Variants in PTPRD observed in about 807,000 individuals in gnomAD.
PTPRD encodes protein tyrosine phosphatase receptor type D, also known as receptor-type tyrosine-protein phosphatase delta.
A neutral mutation model predicts 214.5 loss-of-function variants in PTPRD; 34 were observed. That is an observed-to-expected ratio of 0.16 (90% CI 0.12 to 0.21). The LOEUF (loss-of-function observed/expected upper bound fraction) is 0.21, where lower values mean the gene tolerates loss of function less well. PTPRD is among the 10% of genes least tolerant of loss of function. The probability of loss-of-function intolerance (pLI) is 1.00; values close to 1 mark genes in which losing one functional copy is unlikely to be tolerated. For missense variants in PTPRD, 2,545 were observed against 2,398.7 expected (o/e 1.06, Z -1.27); for synonymous variants, 1,128 against 845.7 (o/e 1.33, Z -5.79).
At chr9:9,011,337 T>C (rs1214223367) in intron 11 of PTPRD, among the ~76,000 whole-genome samples, 1 of 152,162 alleles carries the variant, frequency 6.6e-6, no homozygotes, top group South Asian at 2.1e-4. Flanking sequence ...CATTTAAATA[T>C]CATAGAATTA....
In PTPRD at chr9:9,186,453, T is replaced by G. The variant is rs779890955; in HGVS notation, c.-202-3090A>C. On this transcript the variant is annotated intron_variant, in intron 9 of 45. Coordinates refer to ENST00000381196, the MANE Select transcript of PTPRD (RefSeq NM_002839.4). Reference sequence around the variant, plus strand: ...CATAAGATCCCATTTCTACAAAAAATACAGAAAGCTAGCTGGGCATTGTGG... The same window carrying G: ...CATAAGATCCCATTTCTACAAAAAAGACAGAAAGCTAGCTGGGCATTGTGG... Among the ~76,000 whole-genome samples the G allele has an allele frequency of 5.2e-4, 79 of 152,076 alleles. 1 individual carries two copies. The highest frequency in any genetic ancestry group is 9.3e-4 in the Non-Finnish European group (63 of 67,960).
chr9:8,948,564 T>TTATATATATTA (rs2099084994), intron 11 of PTPRD, among the ~76,000 whole-genome samples: 1 of 100,206 alleles, frequency 1.0e-5, no homozygotes, highest in African/African-American at 3.9e-5. Context: ...TATATATATT[T>TTATATATATTA]ATATATATAT....
In PTPRD at chr9:9,834,572, A is replaced by G. The variant is rs936261168; in HGVS notation, c.-367-67721T>C. On this transcript the variant is annotated intron_variant, in intron 5 of 45. Coordinates refer to ENST00000381196, the MANE Select transcript of PTPRD (RefSeq NM_002839.4). The stretch of plus-strand genomic sequence containing the variant: ...GGAAAAGATAACAGCCACCAGCAGG[A>G]TTATTTTACTGGTCCATCAGTTTCT... Among the ~76,000 whole-genome samples, 50 of 152,062 alleles carry G rather than the reference A, an allele frequency of 3.3e-4. 1 individual carries two copies. Among genetic ancestry groups the G allele is most frequent in the Admixed American group, 2.6e-3 (40 of 15,230 alleles).
chr9:10,290,423 T>C (rs948722612), intron 3 of PTPRD, among the ~76,000 whole-genome samples: 5 of 152,134 alleles, frequency 3.3e-5, no homozygotes, highest in African/African-American at 7.2e-5. Context: ...AGAAAAAGAA[T>C]GTCAGACATT....
chr9:8,373,904 AT>A (rs879448848), intron 39 of PTPRD, among the ~76,000 whole-genome samples: 1,203 of 97,334 alleles, frequency 0.012, 7 homozygotes, highest in African/African-American at 0.016. Context: ...CTATCTATCT[AT>A]CTATCTATCT....
intron 7 of PTPRD, among the ~76,000 whole-genome samples, chr9:9,652,480 G>T (rs2096387709): frequency 2.0e-5 from 3 of 152,124 alleles, no homozygotes; most frequent in Non-Finnish European, 2.9e-5. Context: ...GGTTGCAGTT[G>T]ACTACTATAA....
At chr9:9,153,283 G>A (rs1481946701) in intron 10 of PTPRD, among the ~76,000 whole-genome samples, 1 of 152,130 alleles carries the variant, frequency 6.6e-6, no homozygotes, top group Non-Finnish European at 1.5e-5. Flanking sequence ...AAAATAGACT[G>A]ACTCTTTAGT....
At chr9:9,801,866 T>G (rs1034031958) in intron 5 of PTPRD, among the ~76,000 whole-genome samples, 1 of 152,054 alleles carries the variant, frequency 6.6e-6, no homozygotes, top group African/African-American at 2.4e-5. Flanking sequence ...TCAGGATACA[T>G]GTTGGCACAA....
intron 11 of PTPRD, among the ~76,000 whole-genome samples, chr9:8,810,020 C>T (rs1191299797): frequency 3.3e-5 from 5 of 152,190 alleles, no homozygotes; most frequent in African/African-American, 1.2e-4. Context: ...GCCAATTCAT[C>T]AGTCCTCTGG....
In PTPRD at chr9:8,885,488, C is replaced by CTTTTTT. The variant is rs35568734; in HGVS notation, c.-104+133203_-104+133208dup. Among the ~76,000 whole-genome samples the CTTTTTT allele has an allele frequency of 1.4e-4, 13 of 93,352 alleles. 1 individual carries two copies. Among genetic ancestry groups the CTTTTTT allele is most frequent in the East Asian group, 3.3e-4 (1 of 2,986 alleles). The allele number at this position is 93,352 out of a possible 152,430, so 61.2% of individuals were successfully genotyped here. A position where few individuals can be genotyped will look rare whatever the true frequency, so the allele number is the denominator to read the frequency against. Reference sequence around the variant, plus strand: ...GTCTTTCCATTATACCACACAGCCTCTTTTTTTTTTTTTTTTTTTTTTTCT... The same window carrying CTTTTTT: ...GTCTTTCCATTATACCACACAGCCTCTTTTTTTTTTTTTTTTTTTTTTTTTTTTTCT... On this transcript the variant is annotated intron_variant, in intron 11 of 45. Coordinates refer to ENST00000381196, the MANE Select transcript of PTPRD (RefSeq NM_002839.4).
In PTPRD at chr9:8,563,336, C is replaced by T. The variant is rs192674069; in HGVS notation, c.353-34557G>A. Among the ~76,000 whole-genome samples the T allele has an allele frequency of 3.9e-5, 6 of 152,016 alleles. No individual in the cohort carries two copies. In the East Asian group the frequency reaches 1.2e-3, roughly 29 times the overall value. ...TCAGACTGTATGTTTTAGATATGTGCAGTTGATCACATATCAATTGTATCT... is the reference window on the plus strand; with the variant it reads ...TCAGACTGTATGTTTTAGATATGTGTAGTTGATCACATATCAATTGTATCT... On this transcript the variant is annotated intron_variant, in intron 14 of 45. Transcript: ENST00000381196.
intron 5 of PTPRD, among the ~76,000 whole-genome samples, chr9:9,861,525 C>T (rs375290997): frequency 3.9e-5 from 6 of 152,170 alleles, no homozygotes; most frequent in South Asian, 2.1e-4. Context: ...CTCATGACCT[C>T]GTGATCCGCC....
intron 7 of PTPRD, among the ~76,000 whole-genome samples, chr9:9,699,378 AT>A (rs1479647615): frequency 6.6e-6 from 1 of 152,120 alleles, no homozygotes; most frequent in Non-Finnish European, 1.5e-5. Flanking sequence ...AAACTTGTGG[AT>A]TTATACTTAA....
intron 7 of PTPRD, among the ~76,000 whole-genome samples, chr9:9,577,909 G>A (rs968436467): frequency 4.0e-5 from 6 of 151,742 alleles, no homozygotes; most frequent in Non-Finnish European, 8.8e-5. Flanking sequence ...AGCTGGGTAT[G>A]GTAGTGCACA....
chr9:9,548,446 C>A (rs2079366033), intron 8 of PTPRD, among the ~76,000 whole-genome samples: 1 of 130,334 alleles, frequency 7.7e-6, no homozygotes. Flanking sequence ...CTCGCTTTGT[C>A]ATCCAGGCTG....
At chr9:9,145,639 G>A (rs533340694) in intron 10 of PTPRD, among the ~76,000 whole-genome samples, 1 of 152,210 alleles carries the variant, frequency 6.6e-6, no homozygotes, top group Non-Finnish European at 1.5e-5. Flanking sequence ...GATCTAAGAA[G>A]GAAATAAGGT....
At chr9:10,305,604 G>A (rs1451291355) in intron 3 of PTPRD, among the ~76,000 whole-genome samples, 1 of 152,026 alleles carries the variant, frequency 6.6e-6, no homozygotes, top group East Asian at 1.9e-4. Context: ...ATCAAAAAGT[G>A]GGTGAAGGAT....
chr9:8,827,531 C>T (rs1054749764), intron 11 of PTPRD, among the ~76,000 whole-genome samples: 2 of 152,104 alleles, frequency 1.3e-5, no homozygotes, highest in Non-Finnish European at 2.9e-5. Context: ...CACTTGAACC[C>T]AGGAGGCAGA....
chr9:10,016,393 A>ATAGATAGATAGATAGATATATAGATAGG (rs56040812), intron 4 of PTPRD, among the ~76,000 whole-genome samples: 1 of 149,902 alleles, frequency 6.7e-6, no homozygotes, highest in African/African-American at 2.5e-5. Flanking sequence ...AGATAGATAG[A>ATAGATAGATAGATAGATATATAGATAGG]TAGACAGATA....
Sources: gnomAD v4.1 joint callset for allele counts (sites outside exome capture counted in the v4.1 genomes callset) on GRCh38, gnomAD v4.1.1 for gene constraint, MANE v1.5 for transcripts, NCBI Gene and HGNC (gene_info 2026-07-23, HGNC 2026-07-21) for gene names.